The following LGR4 variants were observed in gnomAD, a reference collection of about 807,000 sequenced individuals.
The protein encoded by LGR4 is leucine-rich repeat-containing G protein-coupled receptor 4.
Under a neutral mutation model 84.8 loss-of-function variants are expected in LGR4, and 44 were observed. That is an observed-to-expected ratio of 0.52 (90% CI 0.41 to 0.67). LGR4 has a LOEUF of 0.67. Ranked by LOEUF, LGR4 falls within the 30% of genes least tolerant of loss-of-function variation. LGR4 has a pLI of 0.00. For synonymous variants in LGR4, 429 were observed against 434.3 expected (o/e 0.99, Z 0.15); for missense variants, 1,032 against 1,131.4 (o/e 0.91, Z 1.26).
At chr11:27,377,415 T>G (rs1486686427) in intron 11 of LGR4, among the ~76,000 whole-genome samples, 192 bp from the exon 12 acceptor site, 1 of 151,992 alleles carries the variant, frequency 6.6e-6, no homozygotes, top group Non-Finnish European at 1.5e-5. Flanking sequence ...AGCCTAAGAT[T>G]GATAAAGTTC....
chr11:27,446,518 T>G (rs1476527322), intron 1 of LGR4, among the ~76,000 whole-genome samples: 3 of 152,066 alleles, frequency 2.0e-5, no homozygotes, highest in Non-Finnish European at 4.4e-5. Flanking sequence ...TGGCGATCAT[T>G]AAAAAGTCAG....
intron 1 of LGR4, among the ~76,000 whole-genome samples, chr11:27,460,907 A>G (rs1323043221): frequency 6.7e-6 from 1 of 150,060 alleles, no homozygotes; most frequent in African/African-American, 2.5e-5. Context: ...TTTTTTTTTT[A>G]AAGAAGGAGA....
At chr11:27,425,326 G>GT (rs553464522) in intron 1 of LGR4, among the ~76,000 whole-genome samples, 2,534 of 142,352 alleles carry the variant, frequency 0.018, 70 homozygotes, top group African/African-American at 0.055. Context: ...TCTCAGCACA[G>GT]TTTTTTTTTT....
intron 1 of LGR4, among the ~76,000 whole-genome samples, chr11:27,416,141 T>C (rs1337776563): frequency 6.6e-6 from 1 of 152,122 alleles, no homozygotes; most frequent in Non-Finnish European, 1.5e-5. Flanking sequence ...GATTTCACCT[T>C]CTGGGATAGA....
At chr11:27,444,073 G>A (rs947031503) in intron 1 of LGR4, among the ~76,000 whole-genome samples, 1 of 147,172 alleles carries the variant, frequency 6.8e-6, no homozygotes, top group African/African-American at 2.5e-5. Flanking sequence ...GGCATTACAC[G>A]CCTGTTTTCT....
intron 4 of LGR4, among the ~76,000 whole-genome samples, chr11:27,388,499 G>A (rs1347994446): frequency 6.6e-6 from 1 of 152,040 alleles, no homozygotes; most frequent in Non-Finnish European, 1.5e-5. Flanking sequence ...TTTGTTAATC[G>A]CAGTTTTCTT....
intron 13 of LGR4, among the ~76,000 whole-genome samples, chr11:27,374,468 A>T (rs928863386): frequency 5.3e-5 from 8 of 152,218 alleles, no homozygotes; most frequent in Non-Finnish European, 7.3e-5. Flanking sequence ...GAGAAGACAA[A>T]CAATCAATAT....
intron 17 of LGR4, among the ~76,000 whole-genome samples, chr11:27,370,380 A>T (rs908228601): frequency 1.3e-5 from 2 of 152,184 alleles, no homozygotes; most frequent in African/African-American, 4.8e-5. Context: ...GGGGTAGCTC[A>T]TCTACCTGAG....
At position 27,368,271 on chromosome 11, in the gene LGR4, G is replaced by A. The variant is rs765781282; in HGVS notation, c.2452C>T (p.Arg818Cys). 6.8e-6 allele frequency: 11 copies of A among 1,614,044 alleles called. No homozygotes were observed. Among genetic ancestry groups the A allele is most frequent in the East Asian group, 6.7e-5 (3 of 44,896 alleles). Residue 818 changes from arginine (R) to cysteine (C), a missense_variant, in exon 18 of 18, where the codon CGT (arginine) becomes TGT (cysteine). Arg to Cys is a radical substitution (Grantham distance 180). Transcript: ENST00000379214. ...FKEDWKLLKR[R>C]VTKKSGSVSV... ...ACTGATCCACTTTTCTTGGTAACAC[G>A]TCGCTTCAGTAACTTCCAGTCTTCT...
At chr11:27,377,329 A>C in intron 11 of LGR4, 106 bp from the exon 12 acceptor site, 1 of 553,984 alleles carries the variant, frequency 1.8e-6, no homozygotes, top group Non-Finnish European at 3.2e-6. Context: ...AGTAATAAAG[A>C]GATATGCCTG....
At chr11:27,453,405 G>C (rs1056283089) in intron 1 of LGR4, among the ~76,000 whole-genome samples, 2 of 152,146 alleles carry the variant, frequency 1.3e-5, no homozygotes, top group African/African-American at 4.8e-5. Context: ...CATTGCTTAA[G>C]ATGGATTCAT....
chr11:27,458,120 T>A (rs1864608190), intron 1 of LGR4, among the ~76,000 whole-genome samples: 2 of 151,836 alleles, frequency 1.3e-5, no homozygotes, highest in South Asian at 4.2e-4. Flanking sequence ...ACAAAGCAAG[T>A]CCCCATCTCA....
At chr11:27,438,115 C>A (rs1323436370) in intron 1 of LGR4, among the ~76,000 whole-genome samples, 1 of 152,170 alleles carries the variant, frequency 6.6e-6, no homozygotes, top group Non-Finnish European at 1.5e-5. Flanking sequence ...AAATCAAAGG[C>A]CATTTCTTTA....
At chr11:27,465,255 AGCT>A (rs1156749687) in intron 1 of LGR4, among the ~76,000 whole-genome samples, 5 of 152,216 alleles carry the variant, frequency 3.3e-5, no homozygotes, top group African/African-American at 4.8e-5. Context: ...CATGACAGAA[AGCT>A]AAGAAGGATA....
intron 13 of LGR4, among the ~76,000 whole-genome samples, chr11:27,374,889 A>G (rs545710543): frequency 5.3e-4 from 80 of 152,340 alleles, no homozygotes; most frequent in African/African-American, 1.8e-3. Context: ...AATAGTTTCT[A>G]GTAGAGTACA....
Position 27,472,098 on chromosome 11 carries a change from T to C in LGR4, c.185+20A>G. On this transcript the variant is annotated intron_variant, in intron 1 of 17. Coordinates refer to ENST00000379214, the MANE Select transcript of LGR4 (RefSeq NM_018490.5). ...CCCCGTTTCCTCCCCCCCCCTCGCGTCCCCGCCGCCCGCACTCACAGCGCT... is the reference window on the plus strand; with the variant it reads ...CCCCGTTTCCTCCCCCCCCCTCGCGCCCCCGCCGCCCGCACTCACAGCGCT... The C allele has an allele frequency of 2.2e-6, 1 of 456,330 alleles. No homozygotes were observed. The allele number at this position is 456,330 out of a possible 1,614,324, so 28.3% of individuals were successfully genotyped here. A position where few individuals can be genotyped will look rare whatever the true frequency, so the allele number is the denominator to read the frequency against.
At chr11:27,401,725 A>T (rs1200255819) in intron 2 of LGR4, among the ~76,000 whole-genome samples, 1 of 152,182 alleles carries the variant, frequency 6.6e-6, no homozygotes, top group Non-Finnish European at 1.5e-5. Flanking sequence ...ACATCAATCA[A>T]TTCAAAATGA....
intron 1 of LGR4, among the ~76,000 whole-genome samples, chr11:27,418,768 A>G (rs1433995642): frequency 6.6e-6 from 1 of 152,172 alleles, no homozygotes; most frequent in East Asian, 1.9e-4. Context: ...AATTTAAAAA[A>G]ACTTGTTTCT....
At chr11:27,379,924 GA>G (rs1370629562) in intron 10 of LGR4, among the ~76,000 whole-genome samples, 4 of 152,058 alleles carry the variant, frequency 2.6e-5, no homozygotes, top group African/African-American at 9.7e-5. Context: ...TCAGCTCTGG[GA>G]AACCTGACAG....
Sources: allele counts gnomAD v4.1 joint callset (sites outside exome capture counted in the v4.1 genomes callset), GRCh38; gene constraint gnomAD v4.1.1; transcripts MANE v1.5; gene names NCBI Gene and HGNC (gene_info 2026-07-23, HGNC 2026-07-21).